Variants in GREB1 observed in about 807,000 individuals in gnomAD.
GREB1 encodes growth regulating estrogen receptor binding 1, also known as protein GREB1.
In GREB1, 106 loss-of-function variants were observed where a neutral mutation model predicts 200.7. The ratio of observed to expected loss-of-function variants is 0.53; its 90% CI spans 0.45 to 0.62. GREB1 has a LOEUF of 0.62. Ranked by LOEUF, GREB1 falls within the 20% of genes least tolerant of loss-of-function variation. GREB1 has a pLI of 0.00. For synonymous variants in GREB1, 1,132 were observed against 1,092.4 expected, an observed-to-expected ratio of 1.04 and a Z score of -0.72; for missense variants, 2,243 against 2,556.8, an observed-to-expected ratio of 0.88 and a Z score of 2.65.
At chr2:11,508,898 A>G (rs1218561687) in intron 1 of GREB1, among the ~76,000 whole-genome samples, 8 of 138,654 alleles carry the variant, frequency 5.8e-5, no homozygotes, top group Non-Finnish European at 9.2e-5. Flanking sequence ...TTTTCGGGAC[A>G]GAGTCTCGCT....
chr2:11,620,717 C>T (rs1233096034), intron 22 of GREB1, among the ~76,000 whole-genome samples, 188 bp from the exon 23 acceptor site: 2 of 152,182 alleles, frequency 1.3e-5, no homozygotes, highest in African/African-American at 2.4e-5. Flanking sequence ...GCCTTATGCT[C>T]GTGGGAGTCC....
At chr2:11,632,861 C>T in intron 27 of GREB1, 28 bp from the exon 28 acceptor site, 1 of 1,606,590 alleles carries the variant, frequency 6.2e-7, no homozygotes, top group Non-Finnish European at 8.5e-7. Context: ...CAGGTCAGTC[C>T]TGAGTCCAGG....
intron 24 of GREB1, among the ~76,000 whole-genome samples, chr2:11,625,971 A>AG (rs2148397627): frequency 1.3e-5 from 2 of 152,322 alleles, no homozygotes; most frequent in East Asian, 3.9e-4. Flanking sequence ...GCCCAGCAAA[A>AG]GGGGAAACCC....
chr2:11,544,222 T>G (rs555825186), intron 1 of GREB1, among the ~76,000 whole-genome samples: 1 of 152,206 alleles, frequency 6.6e-6, no homozygotes, highest in African/African-American at 2.4e-5. Context: ...TATTTGTTTG[T>G]TTGTTTATTT....
In GREB1 at chr2:11,501,167, G is replaced by GT. The variant is rs371141445; in HGVS notation, c.-159+18794dup. Among the ~76,000 whole-genome samples the GT allele has an allele frequency of 1.6e-3, 236 of 152,096 alleles. 1 individual carries two copies. The highest frequency in any genetic ancestry group is 5.5e-3 in the African/African-American group (227 of 41,470). On this transcript the variant is annotated intron_variant, in intron 1 of 2. Transcript: ENST00000628795. The stretch of plus-strand genomic sequence containing the variant: ...CAGCTTCGGCCAGTGAACACATTCA[G>GT]TTTTTTTTCCTGGAGGGACACTCTT...
chr2:11,632,233 G>C (rs1684932169), intron 27 of GREB1, 120 bp downstream of exon 27: 1 of 697,020 alleles, frequency 1.4e-6, no homozygotes. Context: ...GACTTTTAAA[G>C]CTATTTTCAT....
chr2:11,620,857 G>A (rs374682037), intron 22 of GREB1, 48 bp from the exon 23 acceptor site: 456 of 1,119,092 alleles, frequency 4.1e-4, no homozygotes, highest in Non-Finnish European at 5.5e-4. Flanking sequence ...TGCCTGGCAC[G>A]CGGATGGGGC....
chr2:11,611,092 C>A, intron 18 of GREB1, 65 bp downstream of exon 18: 1 of 1,343,556 alleles, frequency 7.4e-7, no homozygotes, highest in Non-Finnish European at 1.0e-6. Context: ...AGGGGCCCAC[C>A]AGAGGCAGGG....
intron 1 of GREB1, among the ~76,000 whole-genome samples, chr2:11,526,712 C>T (rs753936128): frequency 7.2e-5 from 11 of 152,024 alleles, no homozygotes; most frequent in South Asian, 4.2e-4. Flanking sequence ...CCGGCCACCA[C>T]GACTGGCCAA....
chr2:11,528,622 C>T (rs1262115542), intron 1 of GREB1, among the ~76,000 whole-genome samples: 1 of 152,166 alleles, frequency 6.6e-6, no homozygotes, highest in Non-Finnish European at 1.5e-5. Context: ...CTGCCTCAGC[C>T]TCCCAAGTAG....
chr2:11,550,035 A>G (rs1021000810), intron 1 of GREB1, among the ~76,000 whole-genome samples: 1 of 152,152 alleles, frequency 6.6e-6, no homozygotes, highest in African/African-American at 2.4e-5. Flanking sequence ...CCTGGACAAC[A>G]TAATGCAACC....
chr2:11,538,267 G>T (rs1674393249), intron 1 of GREB1, among the ~76,000 whole-genome samples: 1 of 152,188 alleles, frequency 6.6e-6, no homozygotes, highest in East Asian at 1.9e-4. Flanking sequence ...CACCACACAA[G>T]TTCTACCCTT....
chr2:11,532,441 A>G (rs1350895681), upstream of GREB1, among the ~76,000 whole-genome samples: 1 of 152,264 alleles, frequency 6.6e-6, no homozygotes, highest in East Asian at 1.9e-4. Flanking sequence ...CACTTTGAGC[A>G]AAAGCCACAA....
chr2:11,532,909 A>G (rs73189374), upstream of GREB1, among the ~76,000 whole-genome samples: 5,240 of 152,240 alleles, frequency 0.034, 317 homozygotes, highest in African/African-American at 0.12. Flanking sequence ...GGTGTCATGG[A>G]AAGCCTTCCA....
intron 25 of GREB1, 49 bp downstream of exon 25, chr2:11,627,153 T>A: frequency 6.7e-7 from 1 of 1,499,244 alleles, no homozygotes; most frequent in Non-Finnish European, 9.0e-7. Flanking sequence ...GCTCACATTG[T>A]CCGTTCCCCT....
chr2:11,605,116 G>GTCTGGA (rs1470109159), intron 17 of GREB1, among the ~76,000 whole-genome samples: 3 of 128,366 alleles, frequency 2.3e-5, no homozygotes, highest in Non-Finnish European at 4.8e-5. Flanking sequence ...TGGGGGTACT[G>GTCTGGA]TCTGGAGCTG....
At chr2:11,630,400 G>C (rs1190354435) in intron 26 of GREB1, among the ~76,000 whole-genome samples, 2 of 152,218 alleles carry the variant, frequency 1.3e-5, no homozygotes, top group Non-Finnish European at 2.9e-5. Context: ...GGTGAGAACT[G>C]TTTGGAATAA....
At chr2:11,545,144 T>C (rs1675147125) in intron 1 of GREB1, among the ~76,000 whole-genome samples, 1 of 151,668 alleles carries the variant, frequency 6.6e-6, no homozygotes, top group African/African-American at 2.4e-5. Flanking sequence ...TGGCTAGAAA[T>C]GTGTCTTTTT....
At chr2:11,533,565 T>G (rs1039814068), upstream of GREB1, among the ~76,000 whole-genome samples, 5 of 152,192 alleles carry the variant, frequency 3.3e-5, no homozygotes, top group African/African-American at 7.2e-5. Context: ...AACAATTTCA[T>G]TATTTATGCT....
Sources: allele counts gnomAD v4.1 joint callset (sites outside exome capture counted in the v4.1 genomes callset), GRCh38; gene constraint gnomAD v4.1.1; transcripts MANE v1.5; gene names NCBI Gene and HGNC (gene_info 2026-07-23, HGNC 2026-07-21).